KCNE3: variants seen among roughly 807,000 people sequenced by gnomAD.
The protein encoded by KCNE3 is potassium voltage-gated channel subfamily E regulatory subunit 3.
In KCNE3, 2 loss-of-function variants were observed where a neutral mutation model predicts 4.3. The ratio of observed to expected loss-of-function variants is 0.47; its 90% CI spans 0.19 to 1.48. The LOEUF is 1.48. KCNE3 is among the 40% of genes most tolerant of loss of function. KCNE3 has a pLI of 0.25. For missense variants in KCNE3, 128 were observed against 136.8 expected, an observed-to-expected ratio of 0.94 and a Z score of 0.32; for synonymous variants, 47 against 52.0, an observed-to-expected ratio of 0.90 and a Z score of 0.41.
chr11:74,463,981 G>A (rs1864009101), intron 1 of KCNE3, among the ~76,000 whole-genome samples: 1 of 152,174 alleles, frequency 6.6e-6, no homozygotes, highest in African/African-American at 2.4e-5. Flanking sequence ...CAGTGAGATG[G>A]AGGTTGGTAA....
chr11:74,460,893 T>C (rs192897641), intron 2 of KCNE3, among the ~76,000 whole-genome samples: 2 of 152,146 alleles, frequency 1.3e-5, no homozygotes, highest in African/African-American at 4.8e-5. Flanking sequence ...TACCAGAGTC[T>C]TGAAATAGTT....
intron 2 of KCNE3, 108 bp from the exon 3 acceptor site, chr11:74,457,711 T>C (rs1218685801): frequency 5.3e-6 from 4 of 759,306 alleles, no homozygotes; most frequent in African/African-American, 1.7e-5. Context: ...TGATATGGTT[T>C]GGCTGTGTCC....
In KCNE3 at chr11:74,457,105, AC is replaced by A. The variant is rs1863834924; in HGVS notation, c.*146del. ...TCGGTCTACCAGCCCCTCTTCTCCC[AC>A]CCCAGTGACGACCTCCCTTAACCGT... On this transcript the variant is annotated 3_prime_UTR_variant, in exon 3 of 3. Transcript: ENST00000310128. 3 of 794,512 alleles carry A rather than the reference AC, an allele frequency of 3.8e-6. No homozygotes were observed. The highest frequency in any genetic ancestry group is 6.4e-6 in the Non-Finnish European group (3 of 472,148). The allele number at this position is 794,512 out of a possible 1,614,324, so 49.2% of individuals were successfully genotyped here.
chr11:74,465,758 C>A (rs978351652), intron 1 of KCNE3, among the ~76,000 whole-genome samples: 3 of 152,116 alleles, frequency 2.0e-5, no homozygotes, highest in African/African-American at 7.2e-5. Flanking sequence ...TGATCCCTGC[C>A]CTGCCTACCA....
At chr11:74,461,256 C>T (rs1001471663) in intron 2 of KCNE3, among the ~76,000 whole-genome samples, 7 of 151,818 alleles carry the variant, frequency 4.6e-5, no homozygotes, top group Non-Finnish European at 8.8e-5. Flanking sequence ...ACTGAGTGTA[C>T]ACTCAAGAAT....
chr11:74,460,541 G>A (rs1403214827), intron 2 of KCNE3, among the ~76,000 whole-genome samples: 1 of 152,160 alleles, frequency 6.6e-6, no homozygotes, highest in Non-Finnish European at 1.5e-5. Context: ...CATTTGAGTT[G>A]GACCTTGAAG....
rs1210511006 is a variant in KCNE3 at position 74,456,044 on chromosome 11, G to A, written c.*1208C>T. 1 of 150,654 alleles carries A rather than the reference G, an allele frequency of 6.6e-6. No homozygotes were observed. The allele number at this position is 150,654 out of a possible 1,614,324, so 9.3% of individuals were successfully genotyped here. ...CAGAAAACTTCTCTCAGATAGTCGT[G>A]GTGGCTTACACTTGTAATCCCAGCA... On this transcript the variant is annotated 3_prime_UTR_variant, in exon 3 of 3. Transcript: ENST00000310128.
chr11:74,456,343 G>A lies in KCNE3; in HGVS notation c.*909C>T, dbSNP rs41258394. 0.018 allele frequency: 1,963 copies of A among 108,670 alleles called. 38 individuals are homozygous for A. Among genetic ancestry groups the A allele is most frequent in the African/African-American group, 0.079 (1,771 of 22,416 alleles). 6.7% of individuals were successfully genotyped at this position (108,670 alleles called of 1,614,324 possible). A position where few individuals can be genotyped will look rare whatever the true frequency, so the allele number is the denominator to read the frequency against. ...GGAGACTGTCTCAAAAAAAAAAAAA[G>A]AAAAGAAAAGAAAAGAAGTTTCTCA... is the stretch of plus-strand genomic sequence containing the variant. On this transcript the variant is annotated 3_prime_UTR_variant, in exon 3 of 3. Coordinates refer to ENST00000310128, the MANE Select transcript of KCNE3 (RefSeq NM_005472.5).
rs1863779714 is a variant in KCNE3 at position 74,455,121 on chromosome 11, T to C, written c.*2131A>G. On this transcript the variant is annotated 3_prime_UTR_variant, in exon 3 of 3. Transcript: ENST00000310128. Reference sequence around the variant, plus strand: ...TTTTTCAAAATAGAAGTACCTTTTTTCCTTTTATTATACAAGTAACATACT... The same window carrying C: ...TTTTTCAAAATAGAAGTACCTTTTTCCCTTTTATTATACAAGTAACATACT... 6.6e-6 allele frequency: 1 copy of C among 152,252 alleles called. No homozygotes were observed. Among genetic ancestry groups the C allele is most frequent in the South Asian group, 2.1e-4 (1 of 4,826 alleles). 9.4% of individuals were successfully genotyped at this position (152,252 alleles called of 1,614,324 possible).
chr11:74,467,265 A>G lies in KCNE3; in HGVS notation c.-190+133T>C, dbSNP rs1019308982. Reference sequence around the variant, plus strand: ...GACTAGCTTGGTATTTGCAGCGCCCACCCCTCCCCCACTCCCCCTCGGTTC... The same window carrying G: ...GACTAGCTTGGTATTTGCAGCGCCCGCCCCTCCCCCACTCCCCCTCGGTTC... On this transcript the variant is annotated intron_variant, in intron 1 of 2. Coordinates refer to ENST00000310128, the MANE Select transcript of KCNE3 (RefSeq NM_005472.5). The surrounding 1 kb of genome is among the most constrained non-coding windows in gnomAD (Gnocchi z 4.4). 2 of 146,690 alleles carry G rather than the reference A, an allele frequency of 1.4e-5. No homozygotes were observed. The highest frequency in any genetic ancestry group is 1.4e-4 in the Admixed American group (2 of 14,748). The allele number at this position is 146,690 out of a possible 1,614,324, so 9.1% of individuals were successfully genotyped here.
At chr11:74,457,751 C>T in intron 2 of KCNE3, 148 bp from the exon 3 acceptor site, 2 of 653,478 alleles carry the variant, frequency 3.1e-6, no homozygotes, top group Non-Finnish European at 5.6e-6. Context: ...AATCATAGCT[C>T]CCATAATCCC....
chr11:74,461,768 A>G (rs569082350), intron 2 of KCNE3, among the ~76,000 whole-genome samples, 187 bp downstream of exon 2: 2 of 151,848 alleles, frequency 1.3e-5, no homozygotes, highest in South Asian at 4.2e-4. Flanking sequence ...AGAAGCAAAT[A>G]TGTACACATA....
rs1863966708 is a variant in KCNE3, at chr11:74,462,075, A to G, written c.-161T>C. ...CTCTGGACACATCTGGGATCTCAGT[A>G]TTGACTTCGGAGCTGGGAAAGCCCA... On this transcript the variant is annotated 5_prime_UTR_variant, in exon 2 of 3. Transcript: ENST00000310128. 2 of 152,416 alleles carry G rather than the reference A, an allele frequency of 1.3e-5. No homozygotes were observed. The highest frequency in any genetic ancestry group is 2.4e-5 in the African/African-American group (1 of 41,448). 9.4% of individuals were successfully genotyped at this position (152,416 alleles called of 1,614,324 possible).
At chr11:74,466,330 G>A (rs1864056341) in intron 1 of KCNE3, among the ~76,000 whole-genome samples, 1 of 152,164 alleles carries the variant, frequency 6.6e-6, no homozygotes, top group African/African-American at 2.4e-5. Context: ...ACTGAGTGAG[G>A]GATGGAGAAG....
intron 2 of KCNE3, among the ~76,000 whole-genome samples, chr11:74,459,470 G>A (rs1187742413): frequency 6.6e-6 from 1 of 151,932 alleles, no homozygotes; most frequent in Non-Finnish European, 1.5e-5. Context: ...CACCATGTTA[G>A]CCAGGATGGT....
chr11:74,460,353 A>G (rs544877008), intron 2 of KCNE3, among the ~76,000 whole-genome samples: 117 of 152,358 alleles, frequency 7.7e-4, no homozygotes, highest in African/African-American at 2.7e-3. Flanking sequence ...AAAATAATCT[A>G]GATAGTTATC....
chr11:74,459,454 G>A (rs1292508246), intron 2 of KCNE3, among the ~76,000 whole-genome samples: 1 of 151,828 alleles, frequency 6.6e-6, no homozygotes, highest in Non-Finnish European at 1.5e-5. Flanking sequence ...AGTAGAGACA[G>A]GGTTTCACCA....
intron 2 of KCNE3, among the ~76,000 whole-genome samples, chr11:74,457,840 G>A (rs1863858266): frequency 6.6e-6 from 1 of 152,144 alleles, no homozygotes; most frequent in African/African-American, 2.4e-5. Flanking sequence ...TCATGATAGT[G>A]AATAAGTCTC....
rs1212670506 is a variant in KCNE3, at chr11:74,457,266, C to T, written c.298G>A (p.Val100Met). 1.2e-6 allele frequency: 2 copies of T among 1,613,990 alleles called. No homozygotes were observed. Among genetic ancestry groups the T allele is most frequent in the Admixed American group, 1.7e-5 (1 of 60,012 alleles). ...DPYHVYIKNR[V>M]SMI The stretch of plus-strand genomic sequence containing the variant: ...GCCCTCTCGTGTTAGATCATAGACA[C>T]ACGGTTCTTGATATACACATGATAG... The change falls in exon 3 of 3, where the codon GTG (valine) becomes ATG (methionine). Residue 100 changes from valine to methionine, a missense_variant. Physicochemically the swap from Val to Met is conservative, Grantham distance 21. Coordinates refer to ENST00000310128, the MANE Select transcript of KCNE3 (RefSeq NM_005472.5).
Sources: gnomAD v4.1 joint callset for allele counts (sites outside exome capture counted in the v4.1 genomes callset) on GRCh38, gnomAD v4.1.1 for gene constraint, Gnocchi (gnomAD v3.1) non-coding constraint, MANE v1.5 for transcripts, NCBI Gene and HGNC (gene_info 2026-07-23, HGNC 2026-07-21) for gene names.